Variants in LRP1B observed in about 807,000 individuals in gnomAD.
The protein encoded by LRP1B is low-density lipoprotein receptor-related protein 1B.
A neutral mutation model predicts 556.6 loss-of-function variants in LRP1B; 217 were observed. The ratio of observed to expected loss-of-function variants is 0.39; its 90% confidence interval spans 0.35 to 0.44. The LOEUF (loss-of-function observed/expected upper bound fraction) is 0.44. LRP1B is among the 20% of genes least tolerant of loss of function. LRP1B has a pLI of 1.00. For missense variants in LRP1B, 5,053 were observed against 5,620.8 expected (o/e 0.90, Z 3.23); for synonymous variants, 2,047 against 1,865.8 (o/e 1.10, Z -2.50).
chr2:141,462,164 A>G (rs576608351), intron 3 of LRP1B, among the ~76,000 whole-genome samples: 51 of 152,126 alleles, frequency 3.4e-4, no homozygotes, highest in African/African-American at 1.0e-3. Flanking sequence ...TCATCCATCC[A>G]TATATATTTC....
chr2:141,391,381 G>A (rs1462622705), intron 3 of LRP1B, among the ~76,000 whole-genome samples: 3 of 152,144 alleles, frequency 2.0e-5, no homozygotes, highest in Admixed American at 2.0e-4. Flanking sequence ...TCTACAGAAT[G>A]TCAGGTTAAG....
intron 59 of LRP1B, among the ~76,000 whole-genome samples, chr2:140,479,253 C>T (rs2105353454): frequency 6.6e-6 from 1 of 151,890 alleles, no homozygotes; most frequent in South Asian, 2.1e-4. Context: ...TAAGACTGTG[C>T]TAAACATAAT....
At chr2:142,059,478 G>A (rs180728171) in intron 1 of LRP1B, among the ~76,000 whole-genome samples, 7 of 152,018 alleles carry the variant, frequency 4.6e-5, no homozygotes, top group African/African-American at 1.7e-4. Flanking sequence ...AGTATAGATG[G>A]TACGGAGGGA....
intron 35 of LRP1B, among the ~76,000 whole-genome samples, chr2:140,719,510 C>A (rs552740970): frequency 3.2e-4 from 49 of 152,086 alleles, no homozygotes; most frequent in African/African-American, 1.1e-3. Flanking sequence ...TCATTCCTTC[C>A]CATATACACC....
chr2:141,887,114 G>A (rs1234586943), intron 1 of LRP1B, among the ~76,000 whole-genome samples: 1 of 152,022 alleles, frequency 6.6e-6, no homozygotes, highest in African/African-American at 2.4e-5. Flanking sequence ...TCCTGCTTCA[G>A]CCTCCCTAGT....
chr2:140,430,557 C>A (rs1330563916), intron 66 of LRP1B, among the ~76,000 whole-genome samples: 1 of 152,104 alleles, frequency 6.6e-6, no homozygotes, highest in Non-Finnish European at 1.5e-5. Flanking sequence ...AGCTTCTGTC[C>A]CTCAAGGCCA....
chr2:141,661,369 T>C (rs1690215047), intron 2 of LRP1B, among the ~76,000 whole-genome samples: 1 of 152,058 alleles, frequency 6.6e-6, no homozygotes, highest in African/African-American at 2.4e-5. Context: ...AGGTAGGTAA[T>C]ACCGAACTTC....
At chr2:140,883,405 A>G (rs1283919682) in intron 25 of LRP1B, among the ~76,000 whole-genome samples, 2 of 152,152 alleles carry the variant, frequency 1.3e-5, no homozygotes, top group African/African-American at 4.8e-5. Context: ...AGTGGCTAAC[A>G]TCTGTGACTA....
At chr2:141,051,101 G>A (rs1227673040) in intron 10 of LRP1B, among the ~76,000 whole-genome samples, 1 of 152,008 alleles carries the variant, frequency 6.6e-6, no homozygotes, top group Non-Finnish European at 1.5e-5. Flanking sequence ...CAGTCAAAAT[G>A]GCAATTATTA....
At chr2:140,302,810 A>G (rs904601550) in intron 83 of LRP1B, among the ~76,000 whole-genome samples, 1 of 151,768 alleles carries the variant, frequency 6.6e-6, no homozygotes, top group Admixed American at 6.6e-5. Context: ...TTACACCTGA[A>G]TTGCTTCCTC....
intron 1 of LRP1B, among the ~76,000 whole-genome samples, chr2:142,009,125 C>T (rs1290685031): frequency 2.0e-5 from 3 of 152,160 alleles, no homozygotes; most frequent in Non-Finnish European, 2.9e-5. Flanking sequence ...GCAGGAATTG[C>T]TTTTGTTTGT....
chr2:140,426,830 A>C (rs1474071296), intron 66 of LRP1B, among the ~76,000 whole-genome samples: 1 of 152,010 alleles, frequency 6.6e-6, no homozygotes, highest in Non-Finnish European at 1.5e-5. Context: ...GGATCGGGGG[A>C]CCTCCTTTGG....
intron 1 of LRP1B, among the ~76,000 whole-genome samples, chr2:141,959,284 T>A (rs1701341842): frequency 6.6e-6 from 1 of 152,004 alleles, no homozygotes; most frequent in Admixed American, 6.6e-5. Flanking sequence ...TTCTTTTTCC[T>A]TACTACTATG....
chr2:140,743,974 A>G (rs1305954192), intron 35 of LRP1B, among the ~76,000 whole-genome samples: 1 of 41,472 alleles, frequency 2.4e-5, no homozygotes, highest in Non-Finnish European at 5.7e-5. Context: ...TCAAAAAAAA[A>G]AAAAAAAAAA....
At chr2:141,079,703 TAATA>T (rs1462996679) in intron 7 of LRP1B, among the ~76,000 whole-genome samples, 7 of 152,182 alleles carry the variant, frequency 4.6e-5, no homozygotes, top group Admixed American at 4.6e-4. Flanking sequence ...TCATAATCAT[TAATA>T]AATAATGTTA....
At chr2:140,541,479 A>T (rs768008551) in intron 44 of LRP1B, among the ~76,000 whole-genome samples, 2 of 152,124 alleles carry the variant, frequency 1.3e-5, no homozygotes, top group African/African-American at 2.4e-5. Flanking sequence ...AGTTATGAAG[A>T]GTGAGGATGA....
At chr2:140,422,527 G>A (rs1558871428) in intron 66 of LRP1B, among the ~76,000 whole-genome samples, 2 of 152,108 alleles carry the variant, frequency 1.3e-5, no homozygotes, top group Admixed American at 6.6e-5. Flanking sequence ...TTAACAGAAT[G>A]GAAAATATAG....
chr2:141,168,276 G>T (rs4954893), intron 7 of LRP1B, among the ~76,000 whole-genome samples: 72,858 of 151,740 alleles, frequency 0.48, 18,795 homozygotes, highest in Middle Eastern at 0.64. Flanking sequence ...CTGACAGCCT[G>T]TATCTATTGT....
At chr2:140,263,846 T>C (rs907373675) in intron 86 of LRP1B, among the ~76,000 whole-genome samples, 2 of 151,574 alleles carry the variant, frequency 1.3e-5, no homozygotes, top group African/African-American at 4.9e-5. Flanking sequence ...TCTGCCATCT[T>C]CTACCCATTA....
Sources: gnomAD v4.1 joint callset for allele counts (sites outside exome capture counted in the v4.1 genomes callset) on GRCh38, gnomAD v4.1.1 for gene constraint, MANE v1.5 for transcripts, NCBI Gene and HGNC (gene_info 2026-07-23, HGNC 2026-07-21) for gene names.